Variants in PRKD1 observed in about 807,000 individuals in gnomAD.
PRKD1 encodes the protein serine/threonine-protein kinase D1.
A neutral mutation model predicts 95.9 loss-of-function variants in PRKD1; 63 were observed. That is an observed-to-expected ratio of 0.66 (90% CI 0.54 to 0.81). PRKD1 has a LOEUF of 0.81. PRKD1 is among the 30% of genes least tolerant of loss of function. PRKD1 has a pLI of 0.00. For synonymous variants in PRKD1, 425 were observed against 423.1 expected (o/e 1.00, Z -0.05); for missense variants, 1,048 against 1,165.3 (o/e 0.90, Z 1.47).
intron 1 of PRKD1, among the ~76,000 whole-genome samples, chr14:29,824,120 G>A (rs1053959124): frequency 2.0e-5 from 3 of 152,102 alleles, no homozygotes; most frequent in African/African-American, 4.8e-5. Flanking sequence ...GCTACGATGA[G>A]GGTCCAGCAA....
chr14:29,768,936 G>A (rs1243286780), intron 1 of PRKD1, among the ~76,000 whole-genome samples: 1 of 152,078 alleles, frequency 6.6e-6, no homozygotes, highest in Non-Finnish European at 1.5e-5. Context: ...CAGCATCCGG[G>A]AGCCCAAGTC....
chr14:29,769,970 G>C (rs566999416), intron 1 of PRKD1, among the ~76,000 whole-genome samples: 1 of 152,266 alleles, frequency 6.6e-6, no homozygotes, highest in East Asian at 1.9e-4. Flanking sequence ...ACCTTGAGGA[G>C]GTGATTAGGT....
chr14:29,817,576 C>T (rs372360918), intron 1 of PRKD1, among the ~76,000 whole-genome samples: 21 of 152,254 alleles, frequency 1.4e-4, no homozygotes, highest in South Asian at 6.2e-4. Context: ...AATAAATCCT[C>T]GTGACCTCTA....
chr14:29,583,121 CA>C (rs1364241719), intron 16 of PRKD1, among the ~76,000 whole-genome samples: 1 of 152,132 alleles, frequency 6.6e-6, no homozygotes, highest in African/African-American at 2.4e-5. Flanking sequence ...GAGCCCTGTG[CA>C]AAAGAGATAC....
At chr14:29,734,113 G>A (rs920295725) in intron 1 of PRKD1, among the ~76,000 whole-genome samples, 17 of 130,652 alleles carry the variant, frequency 1.3e-4, no homozygotes, top group Admixed American at 6.5e-4. Context: ...CGCGATCTTG[G>A]CTCACTGCAA....
chr14:29,868,697 CA>C (rs1010512051), intron 1 of PRKD1, among the ~76,000 whole-genome samples: 45 of 151,982 alleles, frequency 3.0e-4, no homozygotes, highest in African/African-American at 9.9e-4. Context: ...TGCAGCTTTT[CA>C]AAAAGACACA....
At chr14:29,637,485 T>G (rs1880463589) in intron 6 of PRKD1, among the ~76,000 whole-genome samples, 1 of 152,172 alleles carries the variant, frequency 6.6e-6, no homozygotes, top group Non-Finnish European at 1.5e-5. Flanking sequence ...TCTGAATGTA[T>G]AAGAAAATAG....
chr14:29,703,234 T>C (rs1361015462), intron 2 of PRKD1, among the ~76,000 whole-genome samples: 8 of 152,214 alleles, frequency 5.3e-5, no homozygotes, highest in Non-Finnish European at 1.0e-4. Context: ...CATCTCTAAC[T>C]ATGCCTACTA....
At chr14:29,790,774 T>C (rs549367606) in intron 1 of PRKD1, among the ~76,000 whole-genome samples, 3 of 152,308 alleles carry the variant, frequency 2.0e-5, no homozygotes, top group Admixed American at 1.3e-4. Context: ...GTAGTAAGCT[T>C]TAACTATACA....
intron 16 of PRKD1, among the ~76,000 whole-genome samples, chr14:29,579,951 CAT>C (rs147128889): frequency 8.5e-5 from 13 of 152,262 alleles, no homozygotes; most frequent in African/African-American, 2.6e-4. Context: ...TATCCATTCA[CAT>C]GATTTACTCA....
At chr14:29,616,753 G>A (rs1878895598) in intron 13 of PRKD1, among the ~76,000 whole-genome samples, 1 of 152,082 alleles carries the variant, frequency 6.6e-6, no homozygotes, top group South Asian at 2.1e-4. Context: ...TTCTTCCCTT[G>A]AATTTGAGTA....
chr14:29,838,673 A>G (rs1021002811), intron 1 of PRKD1, among the ~76,000 whole-genome samples: 9 of 152,178 alleles, frequency 5.9e-5, no homozygotes, highest in Non-Finnish European at 1.2e-4. Flanking sequence ...ATTATTGGGT[A>G]CAGGGATCTA....
At chr14:29,613,518 T>C (rs542431200) in intron 13 of PRKD1, among the ~76,000 whole-genome samples, 3 of 152,354 alleles carry the variant, frequency 2.0e-5, no homozygotes, top group East Asian at 3.9e-4. Context: ...TCTTCAGTTG[T>C]GGCTACATAT....
chr14:29,879,956 C>T (rs574401792), intron 1 of PRKD1, among the ~76,000 whole-genome samples: 3 of 152,202 alleles, frequency 2.0e-5, no homozygotes, highest in South Asian at 2.1e-4. Context: ...GTGACTTAAA[C>T]GTGCTGTTAA....
At chr14:29,777,179 A>C (rs913320451) in intron 1 of PRKD1, among the ~76,000 whole-genome samples, 9 of 152,248 alleles carry the variant, frequency 5.9e-5, no homozygotes, top group African/African-American at 2.4e-5. Context: ...GGTACCAGCC[A>C]CTGCAAAAAC....
chr14:29,747,831 T>C (rs914197205), intron 1 of PRKD1, among the ~76,000 whole-genome samples: 1 of 152,196 alleles, frequency 6.6e-6, no homozygotes, highest in East Asian at 1.9e-4. Context: ...GCAACCTCTG[T>C]CTCCTGAACT....
chr14:29,923,674 C>T (rs1895199544), intron 1 of PRKD1, among the ~76,000 whole-genome samples: 1 of 151,938 alleles, frequency 6.6e-6, no homozygotes, highest in Non-Finnish European at 1.5e-5. Flanking sequence ...TGCCAGGAGT[C>T]TTATAAATGC....
intron 2 of PRKD1, among the ~76,000 whole-genome samples, chr14:29,672,538 T>C (rs1466194071): frequency 1.3e-5 from 2 of 151,976 alleles, no homozygotes; most frequent in African/African-American, 4.8e-5. Context: ...ATTAAATCTC[T>C]GGTGACAAGA....
intron 1 of PRKD1, among the ~76,000 whole-genome samples, chr14:29,800,516 T>A (rs576796884): frequency 2.6e-5 from 4 of 152,346 alleles, no homozygotes; most frequent in Admixed American, 1.3e-4. Flanking sequence ...AATTTTCGAC[T>A]GAAATCCAAA....
Sources: allele counts gnomAD v4.1 joint callset (sites outside exome capture counted in the v4.1 genomes callset), GRCh38; gene constraint gnomAD v4.1.1; transcripts MANE v1.5; gene names NCBI Gene and HGNC (gene_info 2026-07-23, HGNC 2026-07-21).